The following MAN1C1 variants were observed in gnomAD, a reference collection of about 807,000 sequenced individuals.
The protein encoded by MAN1C1 is mannosidase alpha class 1C member 1.
In MAN1C1, 49 loss-of-function variants were observed where a neutral mutation model predicts 71.5. The ratio of observed to expected loss-of-function variants is 0.69; its 90% CI spans 0.54 to 0.87. MAN1C1 has a LOEUF of 0.87. MAN1C1 is among the 40% of genes least tolerant of loss of function. MAN1C1 has a pLI of 0.00. For synonymous variants in MAN1C1, 352 were observed against 343.7 expected (o/e 1.02, Z -0.27); for missense variants, 743 against 835.0 (o/e 0.89, Z 1.36).
intron 1 of MAN1C1, among the ~76,000 whole-genome samples, chr1:25,662,257 T>C (rs2045859873): frequency 6.6e-6 from 1 of 152,150 alleles, no homozygotes; most frequent in Non-Finnish European, 1.5e-5. Context: ...AATAAGCAAA[T>C]GCAGGGAGGA....
At chr1:25,680,250 A>G (rs1304927397) in intron 1 of MAN1C1, among the ~76,000 whole-genome samples, 1 of 152,048 alleles carries the variant, frequency 6.6e-6, no homozygotes, top group Non-Finnish European at 1.5e-5. Flanking sequence ...TTTAGTAGAG[A>G]CAAGATTTCA....
At chr1:25,637,849 A>G (rs1003979964) in intron 1 of MAN1C1, among the ~76,000 whole-genome samples, 5 of 152,078 alleles carry the variant, frequency 3.3e-5, no homozygotes, top group African/African-American at 1.2e-4. Flanking sequence ...CCTGATTGAT[A>G]TAGCCTCTTC....
At position 25,656,987 on chromosome 1, in the gene MAN1C1, G is replaced by A. The variant is rs528389225; in HGVS notation, c.541-29453G>A. ...ACTACAGGCACCCGCCACCATGTCCGGCTAATTTTTTGTATTTTTCGTAGA... is the reference window on the plus strand; with the variant it reads ...ACTACAGGCACCCGCCACCATGTCCAGCTAATTTTTTGTATTTTTCGTAGA... On this transcript the variant is annotated intron_variant, in intron 1 of 11. Coordinates refer to ENST00000374332, the MANE Select transcript of MAN1C1 (RefSeq NM_020379.4). Among the ~76,000 whole-genome samples the A allele has an allele frequency of 5.3e-5, 8 of 152,220 alleles. No homozygotes were observed. In the East Asian group the frequency reaches 7.7e-4, roughly 15 times the overall value.
intron 2 of MAN1C1, among the ~76,000 whole-genome samples, chr1:25,726,123 G>T (rs1393211361): frequency 6.6e-6 from 1 of 152,206 alleles, no homozygotes; most frequent in Non-Finnish European, 1.5e-5. Flanking sequence ...TTCAAAAGAG[G>T]TCAGTGCTCA....
chr1:25,777,903 C>A (rs990236499), intron 8 of MAN1C1, among the ~76,000 whole-genome samples: 55 of 152,166 alleles, frequency 3.6e-4, no homozygotes, highest in Non-Finnish European at 7.4e-5. Context: ...GTGTCTGAGC[C>A]TCCCAGCGAA....
At chr1:25,679,978 T>TACACACAC (rs765199500) in intron 1 of MAN1C1, among the ~76,000 whole-genome samples, 41 of 127,196 alleles carry the variant, frequency 3.2e-4, no homozygotes, top group African/African-American at 1.2e-3. Context: ...TATATATATA[T>TACACACAC]ACACACACAC....
chr1:25,704,121 C>T (rs1052894928), intron 2 of MAN1C1, among the ~76,000 whole-genome samples: 2 of 152,176 alleles, frequency 1.3e-5, no homozygotes, highest in Non-Finnish European at 2.9e-5. Context: ...AAAGCAGTCC[C>T]GCAGTGTTTC....
At chr1:25,689,108 A>G (rs114893312) in intron 2 of MAN1C1, among the ~76,000 whole-genome samples, 2,802 of 152,282 alleles carry the variant, frequency 0.018, 32 homozygotes, top group Middle Eastern at 0.082. Flanking sequence ...CTCCATATGT[A>G]ACTTGTTAGG....
At chr1:25,664,141 C>T (rs1013776327) in intron 1 of MAN1C1, among the ~76,000 whole-genome samples, 9 of 152,136 alleles carry the variant, frequency 5.9e-5, no homozygotes, top group African/African-American at 1.7e-4. Context: ...GCCCATCTGC[C>T]CTCCACACGC....
chr1:25,633,659 T>C (rs1331150497), intron 1 of MAN1C1, among the ~76,000 whole-genome samples: 2 of 152,146 alleles, frequency 1.3e-5, no homozygotes, highest in Admixed American at 1.3e-4. Context: ...ACTTTGAGTT[T>C]ATATGAATCC....
chr1:25,667,034 A>G (rs2045933471), intron 1 of MAN1C1, among the ~76,000 whole-genome samples: 1 of 152,202 alleles, frequency 6.6e-6, no homozygotes, highest in Non-Finnish European at 1.5e-5. Context: ...GGAAAGAGAA[A>G]ATCCTGGTCT....
At chr1:25,670,032 A>T (rs2045973332) in intron 1 of MAN1C1, among the ~76,000 whole-genome samples, 1 of 152,272 alleles carries the variant, frequency 6.6e-6, no homozygotes, top group South Asian at 2.1e-4. Context: ...ATGGATTTCC[A>T]AAGCAGTCTA....
intron 1 of MAN1C1, among the ~76,000 whole-genome samples, chr1:25,668,637 C>G (rs1417789493): frequency 1.3e-5 from 2 of 151,150 alleles, no homozygotes; most frequent in Non-Finnish European, 1.5e-5. Context: ...CTCACTGCAA[C>G]CTCCGCCTCC....
intron 1 of MAN1C1, among the ~76,000 whole-genome samples, chr1:25,633,618 A>G (rs1017667382): frequency 1.4e-5 from 2 of 144,008 alleles, no homozygotes; most frequent in African/African-American, 5.2e-5. Context: ...TTTTGTTTCC[A>G]TTTGTGTGGA....
Position 25,713,516 on chromosome 1 carries a change from C to T in MAN1C1, c.637+26980C>T, listed in dbSNP as rs186482724. On this transcript the variant is annotated intron_variant, in intron 2 of 11. Transcript: ENST00000374332. Reference sequence around the variant, plus strand: ...GTGGGTGAAACAGATAAGCAGGACACGACAGTGCACAATCTAGGCACAGGC... The same window carrying T: ...GTGGGTGAAACAGATAAGCAGGACATGACAGTGCACAATCTAGGCACAGGC... Among the ~76,000 whole-genome samples, 727 of 152,304 alleles carry T rather than the reference C, an allele frequency of 4.8e-3. 6 individuals carry two copies. Among genetic ancestry groups the T allele is most frequent in the Non-Finnish European group, 6.5e-3 (439 of 68,028 alleles).
intron 7 of MAN1C1, among the ~76,000 whole-genome samples, chr1:25,768,530 A>C (rs1479001483): frequency 2.6e-5 from 2 of 75,876 alleles, no homozygotes; most frequent in African/African-American, 5.0e-5. Flanking sequence ...ATACATCCAC[A>C]CTCCCCTCAC....
At chr1:25,737,994 T>C (rs1048035407) in intron 2 of MAN1C1, among the ~76,000 whole-genome samples, 8 of 152,164 alleles carry the variant, frequency 5.3e-5, no homozygotes, top group Middle Eastern at 3.4e-3. Context: ...GCACGCTGTG[T>C]CCAGGAGTTT....
chr1:25,684,010 T>C (rs1030053020), intron 1 of MAN1C1, among the ~76,000 whole-genome samples: 5 of 152,200 alleles, frequency 3.3e-5, no homozygotes, highest in African/African-American at 1.2e-4. Context: ...ATTCCTGCAG[T>C]GACAGCTTCT....
In MAN1C1 at chr1:25,753,010, C is replaced by T. The variant is rs375532830; in HGVS notation, c.835-474C>T. ...ACGGCACCACCTGTTCCCATGCCCT[C>T]TGCCTGTGGTATCGTAGTCCTGCAG... On this transcript the variant is annotated intron_variant, in intron 4 of 11. Transcript: ENST00000374332. This position sits in a 1 kb window ranked among gnomAD's most constrained non-coding sequence, Gnocchi z 4.9. 4.9e-4 allele frequency among the ~76,000 whole-genome samples: 75 copies of T among 152,366 alleles called. No homozygotes were observed. The highest frequency in any genetic ancestry group is 1.6e-3 in the African/African-American group (65 of 41,580).
Sources: gnomAD v4.1 joint callset for allele counts (sites outside exome capture counted in the v4.1 genomes callset) on GRCh38, gnomAD v4.1.1 for gene constraint, Gnocchi (gnomAD v3.1) non-coding constraint, MANE v1.5 for transcripts, NCBI Gene and HGNC (gene_info 2026-07-23, HGNC 2026-07-21) for gene names.